PI4KA: variants seen among roughly 807,000 people sequenced by gnomAD.
PI4KA encodes the protein PI4-kinase alpha.
PI4KA carries 122 observed loss-of-function variants against 271.4 expected under a neutral mutation model. That is an observed-to-expected ratio of 0.45 (90% CI 0.39 to 0.52). The LOEUF (loss-of-function observed/expected upper bound fraction) is 0.52, where lower values mean the gene tolerates loss of function less well. Among genes scored for constraint, PI4KA ranks in the 20% least tolerant of loss-of-function variants. The probability of loss-of-function intolerance (pLI) is 0.00; values close to 1 mark genes in which losing one functional copy is unlikely to be tolerated. For synonymous variants in PI4KA, 1,041 were observed against 1,078.8 expected (o/e 0.96, Z 0.69); for missense variants, 1,969 against 2,769.1 (o/e 0.71, Z 6.48).
chr22:20,810,289 G>C (rs1325129590), intron 9 of PI4KA, among the ~76,000 whole-genome samples: 1 of 152,058 alleles, frequency 6.6e-6, no homozygotes, highest in Non-Finnish European at 1.5e-5. Flanking sequence ...GGCAGATCAC[G>C]AGGTCAGGAG....
chr22:20,804,981 G>A lies in PI4KA; in HGVS notation c.1353C>T (p.Asp451=), dbSNP rs373137421. The A allele has an allele frequency of 2.2e-5, 36 of 1,611,976 alleles. No individual in the cohort carries two copies. The highest frequency in any genetic ancestry group is 1.7e-4 in the Middle Eastern group (1 of 6,048). ...CVDLMVWAVK[D]EQGAENLCIK... ...CAAGGCAGTCTGTCTCACCCTGCTC[G>A]TCCTTCACAGCCCACACCATGAGGT... Residue 451 remains aspartate, a synonymous_variant, in exon 11 of 55, where the codon GAC becomes GAT. Coordinates refer to ENST00000255882, the MANE Select transcript of PI4KA (RefSeq NM_058004.4).
In PI4KA at chr22:20,745,204, C is replaced by T. The variant is rs188392339; in HGVS notation, c.3364-484G>A. On this transcript the variant is annotated intron_variant, in intron 29 of 54. Coordinates refer to ENST00000255882, the MANE Select transcript of PI4KA (RefSeq NM_058004.4). The stretch of plus-strand genomic sequence containing the variant: ...GTACACCTTGAATACAAAGGCAACC[C>T]ACAGAATGGGAGAAAAATATTTGAA... 1.1e-3 allele frequency among the ~76,000 whole-genome samples: 170 copies of T among 152,258 alleles called. 1 individual carries two copies. The highest frequency in any genetic ancestry group is 5.9e-4 in the Non-Finnish European group (40 of 68,032).
intron 29 of PI4KA, chr22:20,747,359 A>G (rs1930226809): frequency 2.2e-6 from 1 of 444,560 alleles, no homozygotes; most frequent in Non-Finnish European, 4.0e-6. Context: ...TAAATCCATA[A>G]ATTTAAAAAA....
chr22:20,813,334 T>C (rs750166976), intron 8 of PI4KA, 24 bp downstream of exon 8: 43 of 1,598,192 alleles, frequency 2.7e-5, no homozygotes, highest in South Asian at 2.6e-4. Flanking sequence ...CCATGGTCTG[T>C]TCATCCATCA....
intron 17 of PI4KA, among the ~76,000 whole-genome samples, chr22:20,797,819 T>A: frequency 6.6e-6 from 1 of 152,060 alleles, no homozygotes; most frequent in East Asian, 1.9e-4. Context: ...GACTTCACAG[T>A]CAGAAGGGAG....
chr22:20,763,545 T>C (rs1313533130), intron 22 of PI4KA, among the ~76,000 whole-genome samples: 1 of 151,620 alleles, frequency 6.6e-6, no homozygotes, highest in Non-Finnish European at 1.5e-5. Context: ...GTTCATGCCA[T>C]TCTCCTGCCT....
chr22:20,848,019 C>A (rs1164971557), intron 1 of PI4KA, among the ~76,000 whole-genome samples: 1 of 152,102 alleles, frequency 6.6e-6, no homozygotes, highest in Non-Finnish European at 1.5e-5. Context: ...GGGTGGATCA[C>A]CTGAGGTCAA....
intron 19 of PI4KA, among the ~76,000 whole-genome samples, chr22:20,773,666 A>G (rs1437196629): frequency 6.6e-6 from 1 of 152,186 alleles, no homozygotes; most frequent in Non-Finnish European, 1.5e-5. Context: ...TTGGAAGGAC[A>G]GGGACACCCG....
At position 20,802,002 on chromosome 22, in the gene PI4KA, G is replaced by A; in HGVS notation, c.1695C>T (p.Leu565=). 6.2e-7 allele frequency: 1 copy of A among 1,614,154 alleles called. No individual in the cohort carries two copies. The highest frequency in any genetic ancestry group is 8.5e-7 in the Non-Finnish European group (1 of 1,180,016). ...AGATGTTGTCAATAGCGATGTCTCGGAGCTGCTCGTACATGGAGGGCTGGC... is the reference window on the plus strand; with the variant it reads ...AGATGTTGTCAATAGCGATGTCTCGAAGCTGCTCGTACATGGAGGGCTGGC... ...KKSQPSMYEQ[L]RDIAIDNICR... is the part of the protein sequence containing the mutation. The change falls in exon 14 of 55, where the codon CTC becomes CTT. Residue 565 remains leucine (L), a synonymous_variant. Transcript: ENST00000255882.
intron 19 of PI4KA, among the ~76,000 whole-genome samples, chr22:20,773,637 T>C (rs1933015110): frequency 6.6e-6 from 1 of 152,176 alleles, no homozygotes; most frequent in African/African-American, 2.4e-5. Flanking sequence ...TCCTCCACCT[T>C]TCACTGAGGA....
chr22:20,726,400 C>T, intron 42 of PI4KA, 88 bp downstream of exon 42: 5 of 1,202,880 alleles, frequency 4.2e-6, no homozygotes, highest in Non-Finnish European at 4.5e-6. Flanking sequence ...CTCTGAGGAG[C>T]CTGTGAGGGC....
intron 15 of PI4KA, 130 bp downstream of exon 15, chr22:20,799,540 AC>A: frequency 1.3e-6 from 1 of 751,192 alleles, no homozygotes; most frequent in South Asian, 1.7e-5. Flanking sequence ...TCTTGTGACA[AC>A]CCTGATACAT....
chr22:20,842,813 T>TA (rs1925723550), intron 1 of PI4KA, among the ~76,000 whole-genome samples: 1 of 89,694 alleles, frequency 1.1e-5, no homozygotes. Flanking sequence ...AGACTCTGTC[T>TA]CAAAAAAAAA....
chr22:20,713,283 G>T lies in PI4KA; in HGVS notation c.5569C>A (p.Gln1857Lys). 9 of 1,574,480 alleles carry T rather than the reference G, an allele frequency of 5.7e-6. No homozygotes were observed. Among genetic ancestry groups the T allele is most frequent in the Non-Finnish European group, 7.8e-6 (9 of 1,157,748 alleles). The change falls in exon 48 of 55, where the codon CAG becomes AAG. Residue 1857 changes from glutamine to lysine, a missense_variant and splice_region_variant. This residue lies in a region of PI4KA where 388 missense variants were observed against 521.5 expected (regional missense o/e 0.74). Coordinates refer to ENST00000255882, the MANE Select transcript of PI4KA (RefSeq NM_058004.4). The part of the protein sequence containing the change: ...AIFKVGDDCR[Q>K]DMLALQIIDL... ...ACTCGAGGCCTGACCCTGCTTACCT[G>T]CCGGCAGTCGTCTCCCACCTTGAAG...
chr22:20,800,843 C>T (rs1326890178), intron 14 of PI4KA, among the ~76,000 whole-genome samples: 2 of 147,450 alleles, frequency 1.4e-5, no homozygotes, highest in Non-Finnish European at 3.0e-5. Context: ...CACTGCACTC[C>T]AGCCTGGGCG....
chr22:20,709,543 C>T (rs1330518890), intron 53 of PI4KA, 164 bp from the exon 54 acceptor site: 5 of 631,634 alleles, frequency 7.9e-6, no homozygotes, highest in African/African-American at 3.7e-5. Context: ...GTGAAGGCCA[C>T]GCCTGGCCTA....
chr22:20,714,077 G>C, intron 47 of PI4KA, among the ~76,000 whole-genome samples: 1 of 152,202 alleles, frequency 6.6e-6, no homozygotes, highest in East Asian at 1.9e-4. Flanking sequence ...AAGCTGAGGA[G>C]GCAAGGTGTG....
intron 22 of PI4KA, 114 bp from the exon 23 acceptor site, chr22:20,761,500 A>C: frequency 1.4e-6 from 1 of 715,212 alleles, no homozygotes; most frequent in Non-Finnish European, 2.6e-6. Flanking sequence ...TCTGTCATTC[A>C]TAAGGGTGCA....
chr22:20,785,058 G>T (rs1934106907), intron 19 of PI4KA, among the ~76,000 whole-genome samples: 2 of 151,506 alleles, frequency 1.3e-5, no homozygotes. Flanking sequence ...CTTGAGAAAG[G>T]GACTGCATCT....
Sources: allele counts gnomAD v4.1 joint callset (sites outside exome capture counted in the v4.1 genomes callset), GRCh38; gene constraint gnomAD v4.1.1; regional missense constraint gnomAD v4.1.1; transcripts MANE v1.5; gene names NCBI Gene and HGNC (gene_info 2026-07-23, HGNC 2026-07-21).